Variants in LATS2 observed in about 807,000 individuals in gnomAD.
LATS2 encodes the protein large tumor suppressor kinase 2, also known as serine/threonine-protein kinase LATS2.
A neutral mutation model predicts 76.0 loss-of-function variants in LATS2; 24 were observed. The ratio of observed to expected loss-of-function variants is 0.32; its 90% CI spans 0.23 to 0.44. LATS2 has a LOEUF of 0.44. Ranked by LOEUF, LATS2 falls within the 20% of genes least tolerant of loss-of-function variation. LATS2 has a pLI of 1.00. For synonymous variants in LATS2, 692 were observed against 635.4 expected (o/e 1.09, Z -1.34); for missense variants, 1,286 against 1,481.2 (o/e 0.87, Z 2.16).
Position 20,981,490 on chromosome 13 carries a change from C to A in LATS2, c.2641G>T (p.Ala881Ser). 2 of 1,613,832 alleles carry A rather than the reference C, an allele frequency of 1.2e-6. No homozygotes were observed. The highest frequency in any genetic ancestry group is 1.7e-6 in the Non-Finnish European group (2 of 1,179,914). The change falls in exon 6 of 8, where the codon GCA becomes TCA. Residue 881 changes from alanine to serine, a missense_variant. By Grantham distance (99) the Ala-to-Ser change is moderately conservative (BLOSUM62 1). Transcript: ENST00000382592. ...HSLVGTPNYI[A>S]PEVLLRKGYT... ...CCTTTGCGGAGGAGCACCTCGGGTG[C>A]GATGTAGTTTGGAGTCCCCACCAGT... is the stretch of plus-strand genomic sequence containing the variant.
intron 2 of LATS2, among the ~76,000 whole-genome samples, chr13:21,026,176 T>C (rs1360714518): frequency 1.3e-5 from 2 of 152,148 alleles, no homozygotes; most frequent in African/African-American, 4.8e-5. Flanking sequence ...CGTTCAAGTA[T>C]GAAAGATGTA....
At chr13:21,007,621 AGTG>A (rs1218772671) in intron 2 of LATS2, among the ~76,000 whole-genome samples, 26 of 606 alleles carry the variant, frequency 0.043, 2 homozygotes, top group Non-Finnish European at 0.047. Context: ...ATATATATAT[AGTG>A]TATATATATA....
At chr13:21,008,654 C>T (rs1197307149) in intron 2 of LATS2, among the ~76,000 whole-genome samples, 1 of 152,140 alleles carries the variant, frequency 6.6e-6, no homozygotes, top group Admixed American at 6.5e-5. Context: ...ACTTCACACC[C>T]ATTAGATTGA....
chr13:20,985,171 G>A (rs997331818), intron 4 of LATS2, among the ~76,000 whole-genome samples: 3 of 152,124 alleles, frequency 2.0e-5, no homozygotes, highest in African/African-American at 7.2e-5. Context: ...TAAGACCAGA[G>A]GCTATGAAAA....
At chr13:21,060,517 CG>C (rs1483496929) in intron 1 of LATS2, among the ~76,000 whole-genome samples, 4 of 152,158 alleles carry the variant, frequency 2.6e-5, no homozygotes, top group Admixed American at 2.6e-4. Flanking sequence ...GGCAGCCGGC[CG>C]GGAGACGCCG....
At chr13:21,035,956 T>C (rs575973860) in intron 2 of LATS2, among the ~76,000 whole-genome samples, 72 of 152,368 alleles carry the variant, frequency 4.7e-4, no homozygotes, top group African/African-American at 1.5e-3. Context: ...TGGAGTGCAG[T>C]GGCACGATCT....
intron 1 of LATS2, among the ~76,000 whole-genome samples, chr13:21,060,538 T>C (rs1873602569): frequency 6.6e-6 from 1 of 152,008 alleles, no homozygotes; most frequent in Non-Finnish European, 1.5e-5. Flanking sequence ...GAGCAGGGCC[T>C]GGCCGCCCGC....
At chr13:21,040,059 G>C (rs56174890) in intron 2 of LATS2, among the ~76,000 whole-genome samples, 2,193 of 150,380 alleles carry the variant, frequency 0.015, 19 homozygotes, top group Non-Finnish European at 0.025. Context: ...GGCAATAAGA[G>C]CGAAACTCCA....
chr13:21,028,815 G>A (rs1268165580), intron 2 of LATS2, among the ~76,000 whole-genome samples: 1 of 152,060 alleles, frequency 6.6e-6, no homozygotes. Flanking sequence ...TGATCCACCC[G>A]CCTTGGCCTC....
In LATS2 at chr13:20,973,449, C is replaced by T. The variant is rs977639423; in HGVS notation, c.*1421G>A. On this transcript the variant is annotated 3_prime_UTR_variant, in exon 8 of 8. Coordinates refer to ENST00000382592, the MANE Select transcript of LATS2 (RefSeq NM_014572.3). Reference sequence around the variant, plus strand: ...AAGCAAAAAAGAATTGAACTTTTTACTCAAATATAAATCACTTTAAATAGG... The same window carrying T: ...AAGCAAAAAAGAATTGAACTTTTTATTCAAATATAAATCACTTTAAATAGG... 8.6e-6 allele frequency: 2 copies of T among 231,980 alleles called. No individual in the cohort carries two copies. The highest frequency in any genetic ancestry group is 4.4e-5 in the African/African-American group (2 of 45,178). The allele number at this position is 231,980 out of a possible 1,614,324, so 14.4% of individuals were successfully genotyped here. A position where few individuals can be genotyped will look rare whatever the true frequency, so the allele number is the denominator to read the frequency against.
intron 1 of LATS2, among the ~76,000 whole-genome samples, chr13:21,051,230 C>T (rs1048951560): frequency 2.0e-5 from 3 of 152,196 alleles, no homozygotes; most frequent in Non-Finnish European, 2.9e-5. Context: ...GAGCAGTGCA[C>T]AACCTGAACA....
At chr13:21,000,381 A>ATC (rs1565949751) in intron 2 of LATS2, among the ~76,000 whole-genome samples, 9 of 150,424 alleles carry the variant, frequency 6.0e-5, no homozygotes, top group African/African-American at 2.2e-4. Flanking sequence ...ACTCTGTCAT[A>ATC]ATAATAATAA....
At chr13:21,040,400 A>G (rs1391882442) in intron 2 of LATS2, among the ~76,000 whole-genome samples, 1 of 151,916 alleles carries the variant, frequency 6.6e-6, no homozygotes, top group African/African-American at 2.4e-5. Context: ...AAGAAAGAAA[A>G]AGAAAAAGAA....
chr13:21,032,910 C>G (rs1872579872), intron 2 of LATS2, among the ~76,000 whole-genome samples: 1 of 152,072 alleles, frequency 6.6e-6, no homozygotes. Flanking sequence ...ACCTCATAGC[C>G]TGGTGGCAGG....
intron 7 of LATS2, among the ~76,000 whole-genome samples, chr13:20,979,311 C>G (rs1022051676): frequency 1.3e-5 from 2 of 152,020 alleles, no homozygotes; most frequent in South Asian, 4.1e-4. Context: ...CCCCTCATTG[C>G]TGAGGGGTGA....
chr13:20,979,920 G>A (rs1028997883), intron 6 of LATS2, 123 bp from the exon 7 acceptor site: 14 of 570,170 alleles, frequency 2.5e-5, no homozygotes, highest in African/African-American at 2.4e-4. Flanking sequence ...GCATCGCACT[G>A]TGCGCAAGAT....
chr13:21,019,493 A>AT (rs67762203), intron 2 of LATS2, among the ~76,000 whole-genome samples: 2,294 of 132,594 alleles, frequency 0.017, 41 homozygotes, highest in African/African-American at 0.032. Context: ...CGCCCAGCTA[A>AT]TTTTTTTTTT....
intron 2 of LATS2, chr13:21,023,075 AGGGG>A (rs1313255729): frequency 6.6e-6 from 1 of 152,152 alleles, no homozygotes; most frequent in South Asian, 2.1e-4. Flanking sequence ...GCAGAGCCCC[AGGGG>A]GGCAGTGTCG....
intron 1 of LATS2, among the ~76,000 whole-genome samples, chr13:21,050,098 C>T (rs949290815): frequency 4.7e-5 from 3 of 64,470 alleles, no homozygotes; most frequent in African/African-American, 1.3e-4. Context: ...CCAGCCTAGG[C>T]GACAGAGGGA....
Sources: allele counts gnomAD v4.1 joint callset (sites outside exome capture counted in the v4.1 genomes callset), GRCh38; gene constraint gnomAD v4.1.1; transcripts MANE v1.5; gene names NCBI Gene and HGNC (gene_info 2026-07-23, HGNC 2026-07-21).